The following COL6A5 variants were observed in gnomAD, a reference collection of about 807,000 sequenced individuals.
The protein encoded by COL6A5 is collagen type VI alpha 5 chain.
COL6A5 carries 48 observed loss-of-function variants against 65.6 expected under a neutral mutation model. The ratio of observed to expected loss-of-function variants is 0.73; its 90% CI spans 0.58 to 0.93. COL6A5 has a LOEUF of 0.93. Among genes scored for constraint, COL6A5 ranks in the 40% least tolerant of loss-of-function variants. COL6A5 has a pLI of 0.00. For synonymous variants in COL6A5, 291 were observed against 322.8 expected, an observed-to-expected ratio of 0.90 and a Z score of 1.05; for missense variants, 914 against 928.3, an observed-to-expected ratio of 0.98 and a Z score of 0.20.
intron 7 of COL6A5, among the ~76,000 whole-genome samples, chr3:130,478,364 C>T (rs1048583842): frequency 2.6e-5 from 4 of 152,058 alleles, no homozygotes; most frequent in Admixed American, 6.6e-5. Flanking sequence ...TGAGAAGTCA[C>T]CTGATTGCTC....
At chr3:130,452,976 A>G (rs1303652195) in intron 4 of COL6A5, among the ~76,000 whole-genome samples, 1 of 152,202 alleles carries the variant, frequency 6.6e-6, no homozygotes, top group African/African-American at 2.4e-5. Context: ...TGTTCCGCCC[A>G]GCTCACCAGT....
At chr3:130,483,743 C>G (rs930588012) in intron 7 of COL6A5, among the ~76,000 whole-genome samples, 1 of 152,130 alleles carries the variant, frequency 6.6e-6, no homozygotes, top group African/African-American at 2.4e-5. Flanking sequence ...ATTGCACACC[C>G]CTTCAAGCAC....
chr3:130,393,065 G>C (rs1936454174), intron 7 of COL6A5, among the ~76,000 whole-genome samples: 2 of 116,504 alleles, frequency 1.7e-5, no homozygotes, highest in Middle Eastern at 3.8e-3. Flanking sequence ...TCTGCTTACA[G>C]TGTTTTTTTT....
At chr3:130,420,141 GAAA>G (rs1406634563) in intron 25 of COL6A5, among the ~76,000 whole-genome samples, 1 of 64,650 alleles carries the variant, frequency 1.5e-5, no homozygotes, top group East Asian at 2.9e-4. Flanking sequence ...AGGAAAGGAA[GAAA>G]GAAGGAAGGA....
chr3:130,423,229 G>A (rs1442044899), intron 28 of COL6A5, among the ~76,000 whole-genome samples: 1 of 151,950 alleles, frequency 6.6e-6, no homozygotes, highest in Non-Finnish European at 1.5e-5. Flanking sequence ...TTTGAGGGAG[G>A]CTATTGAGAT....
chr3:130,422,546 T>C (rs950467775), intron 27 of COL6A5, among the ~76,000 whole-genome samples, 174 bp from the exon 28 acceptor site: 2 of 151,974 alleles, frequency 1.3e-5, no homozygotes, highest in Non-Finnish European at 2.9e-5. Context: ...GAAGAATAAG[T>C]GTACCAATGA....
exon 3 of COL6A5, chr3:130,376,544 C>T: frequency 6.2e-7 from 1 of 1,605,912 alleles, no homozygotes; most frequent in Non-Finnish European, 8.5e-7. Context: ...TCTCTGCACC[C>T]ATAAATGGGA....
At chr3:130,370,232 TA>T (rs1253836046) in intron 1 of COL6A5, among the ~76,000 whole-genome samples, 11 of 152,016 alleles carry the variant, frequency 7.2e-5, no homozygotes, top group Admixed American at 6.6e-5. Context: ...ATATTCTAAA[TA>T]TTTTTTTCAC....
intron 13 of COL6A5, among the ~76,000 whole-genome samples, chr3:130,404,546 G>C (rs1044039655): frequency 9.2e-5 from 14 of 152,124 alleles, no homozygotes; most frequent in African/African-American, 3.4e-4. Context: ...GACCACTAAG[G>C]GGGGTGCTCT....
chr3:130,457,938 C>T (rs1709614825), intron 5 of COL6A5, among the ~76,000 whole-genome samples: 1 of 151,964 alleles, frequency 6.6e-6, no homozygotes, highest in Admixed American at 6.6e-5. Flanking sequence ...TGTTTGTTAC[C>T]CATTCATAAT....
Position 130,422,786 on chromosome 3 carries a change from A to C in COL6A5, c.5100+4A>C. ...CAAAGGATTTAGGGGACTAGCAGTA[A>C]GTAGCCTATAATTCCAGAAATGATA... On this transcript the variant is annotated splice_donor_region_variant and intron_variant and NMD_transcript_variant, in intron 28 of 41. Coordinates refer to the COL6A5 transcript ENST00000312481. 6.8e-7 allele frequency: 1 copy of C among 1,473,252 alleles called. No individual in the cohort carries two copies. 91.3% of individuals were successfully genotyped at this position (1,473,252 alleles called of 1,614,324 possible). A position where few individuals can be genotyped will look rare whatever the true frequency, so the allele number is the denominator to read the frequency against.
At chr3:130,370,601 G>A (rs766706374) in intron 1 of COL6A5, among the ~76,000 whole-genome samples, 5 of 152,068 alleles carry the variant, frequency 3.3e-5, no homozygotes, top group African/African-American at 7.2e-5. Context: ...CATTTCAGAA[G>A]CATGAACAAT....
chr3:130,363,038 CAT>C (rs1363331690), intron 1 of COL6A5, among the ~76,000 whole-genome samples: 1 of 152,068 alleles, frequency 6.6e-6, no homozygotes, highest in African/African-American at 2.4e-5. Context: ...TAATATCTAC[CAT>C]ATTTGTTACT....
intron 19 of COL6A5, 53 bp from the exon 20 acceptor site, chr3:130,410,418 G>A: frequency 7.3e-7 from 1 of 1,361,884 alleles, no homozygotes; most frequent in Non-Finnish European, 1.0e-6. Flanking sequence ...ATGCCTTTGT[G>A]ATTTATTCAG....
chr3:130,466,692 A>C (rs546706498), intron 5 of COL6A5, among the ~76,000 whole-genome samples: 5 of 152,116 alleles, frequency 3.3e-5, no homozygotes, highest in Admixed American at 1.3e-4. Context: ...TTCTTTGAGA[A>C]GATCAATAAA....
At position 130,362,308 on chromosome 3, in the gene COL6A5, ATATATATATATATATATATTTT is replaced by A. The variant is rs1428016152; in HGVS notation, c.-28-11301_-28-11280del. ...TTTCTCCATATATATATATATATATATATATATATATATATATATTTTTTTTTTTTTTTTTTTTTGCATGTGG... is the reference window on the plus strand; with the variant it reads ...TTTCTCCATATATATATATATATATATTTTTTTTTTTTTTTTTGCATGTGG... On this transcript the variant is annotated intron_variant and NMD_transcript_variant, in intron 1 of 41. Coordinates refer to the COL6A5 transcript ENST00000312481. 3.7e-3 allele frequency among the ~76,000 whole-genome samples: 78 copies of A among 21,076 alleles called. 4 individuals are homozygous for A. The highest frequency in any genetic ancestry group is 5.8e-3 in the African/African-American group (35 of 6,006). 13.8% of individuals were successfully genotyped at this position (21,076 alleles called of 152,430 possible).
At chr3:130,437,842 T>C (rs1709068894) in intron 1 of COL6A5, among the ~76,000 whole-genome samples, 1 of 152,294 alleles carries the variant, frequency 6.6e-6, no homozygotes, top group Middle Eastern at 3.4e-3. Context: ...TACTTAAATG[T>C]TATCTCAGAT....
chr3:130,464,740 G>T (rs1381662851), intron 5 of COL6A5, among the ~76,000 whole-genome samples: 1 of 152,038 alleles, frequency 6.6e-6, no homozygotes, highest in African/African-American at 2.4e-5. Context: ...CCTCAATCTT[G>T]ACCAGGAATT....
At chr3:130,349,295 T>C (rs1437392308) in intron 1 of COL6A5, among the ~76,000 whole-genome samples, 1 of 152,224 alleles carries the variant, frequency 6.6e-6, no homozygotes, top group African/African-American at 2.4e-5. Flanking sequence ...AAAGGCACCG[T>C]AGTGCAATGG....
Sources: gnomAD v4.1 joint callset for allele counts (sites outside exome capture counted in the v4.1 genomes callset) on GRCh38, gnomAD v4.1.1 for gene constraint, MANE v1.5 for transcripts, NCBI Gene and HGNC (gene_info 2026-07-23, HGNC 2026-07-21) for gene names.